Variants in DYNC2H1 observed in about 807,000 individuals in gnomAD.
DYNC2H1 encodes cytoplasmic dynein 2 heavy chain 1.
Under a neutral mutation model 570.0 loss-of-function variants are expected in DYNC2H1, and 410 were observed. The ratio of observed to expected loss-of-function variants is 0.72; its 90% confidence interval spans 0.66 to 0.78. DYNC2H1 has a LOEUF of 0.78. DYNC2H1 is among the 30% of genes least tolerant of loss of function. The pLI, the probability that DYNC2H1 is intolerant of heterozygous loss-of-function variation, is 0.00. For missense variants in DYNC2H1, 4,865 were observed against 5,046.4 expected (o/e 0.96, Z 1.09); for synonymous variants, 1,688 against 1,677.6 (o/e 1.01, Z -0.15).
chr11:103,119,525 A>G (rs1858588838), intron 6 of DYNC2H1, among the ~76,000 whole-genome samples: 2 of 152,082 alleles, frequency 1.3e-5, no homozygotes, highest in South Asian at 2.1e-4. Context: ...TTTTTAGTAG[A>G]GATGGAGTTT....
chr11:103,245,269 G>C lies in DYNC2H1; in HGVS notation c.9937G>C (p.Ala3313Pro). 3.2e-6 allele frequency: 5 copies of C among 1,543,448 alleles called. No homozygotes were observed. The highest frequency in any genetic ancestry group is 4.4e-6 in the Non-Finnish European group (5 of 1,141,354). The part of the protein sequence containing the change: ...INQQDSNFIT[A>P]LELAVRFGKT... The stretch of plus-strand genomic sequence containing the variant: ...CAATTAGGATAGTAACTTTATCACA[G>C]CTCTTGAATTAGCAGTACGTTTTGG... Residue 3313 changes from alanine to proline, a missense_variant, in exon 65 of 89, where the codon GCT becomes CCT. Transcript: ENST00000375735. The surrounding 1 kb of genome is among the most constrained non-coding windows in gnomAD (Gnocchi z 4.5).
At position 103,120,949 on chromosome 11, in the gene DYNC2H1, A is replaced by G; in HGVS notation, c.1273A>G (p.Lys425Glu). 1.3e-6 allele frequency: 2 copies of G among 1,543,666 alleles called. No individual in the cohort carries two copies. Among genetic ancestry groups the G allele is most frequent in the Non-Finnish European group, 1.7e-6 (2 of 1,148,082 alleles). ...GCTTCTTCAAGCATTCCTGAAATAT[A>G]AAGAGTTGGTAAAGCGTCCAACTAT... is the stretch of plus-strand genomic sequence containing the variant. ...QQLLQAFLKY[K>E]ELVKRPTISK... Residue 425 changes from lysine to glutamate, a missense_variant, in exon 9 of 89, where the codon AAA (lysine) becomes GAA (glutamate). Lys to Glu is a moderately conservative substitution (Grantham distance 56, BLOSUM62 1). Coordinates refer to ENST00000375735, the MANE Select transcript of DYNC2H1 (RefSeq NM_001377.3).
rs1263212640 is a variant in DYNC2H1 at position 103,249,334 on chromosome 11, C to A, written c.10043-3951C>A. ...CCCTCCCATGACTAGTTCTACTCAC[C>A]AAAGAAAAACTTTTTTTATTTTAAC... is the stretch of plus-strand genomic sequence containing the variant. On this transcript the variant is annotated intron_variant, in intron 65 of 88. Coordinates refer to ENST00000375735, the MANE Select transcript of DYNC2H1 (RefSeq NM_001377.3). The surrounding 1 kb of genome is among the most constrained non-coding windows in gnomAD (Gnocchi z 4.6). Among the ~76,000 whole-genome samples the A allele has an allele frequency of 6.6e-6, 1 of 151,884 alleles. No individual in the cohort carries two copies. The highest frequency in any genetic ancestry group is 6.6e-5 in the Admixed American group (1 of 15,218).
At chr11:103,367,620 C>G (rs921212958) in intron 83 of DYNC2H1, among the ~76,000 whole-genome samples, 1 of 152,110 alleles carries the variant, frequency 6.6e-6, no homozygotes, top group African/African-American at 2.4e-5. Context: ...TCTCTTCTAG[C>G]TATTTTGTGC....
chr11:103,464,414 T>A (rs1945127718), intron 87 of DYNC2H1, among the ~76,000 whole-genome samples: 1 of 152,160 alleles, frequency 6.6e-6, no homozygotes. Flanking sequence ...TTTCTAGAAG[T>A]ATAAAACAGA....
Position 103,311,989 on chromosome 11 carries a change from T to C in DYNC2H1, c.11605T>C (p.Trp3869Arg). The change falls in exon 79 of 89, where the codon TGG becomes CGG. Residue 3869 changes from tryptophan (W) to arginine (R), a missense_variant. This residue lies in a region of DYNC2H1 where 2,401 missense variants were observed against 2,454.6 expected (regional missense o/e 0.98). Transcript: ENST00000375735. ...HRAHALFSLA[W>R]FHAACQERRN... ...AGCTCATGCTCTCTTCAGTCTTGCA[T>C]GGTTTCATGCTGCATGTCAAGAAAG... The C allele has an allele frequency of 6.2e-7, 1 of 1,613,594 alleles. No homozygotes were observed. Among genetic ancestry groups the C allele is most frequent in the Non-Finnish European group, 8.5e-7 (1 of 1,179,744 alleles).
chr11:103,465,733 A>T lies in DYNC2H1; in HGVS notation c.12649-2856A>T, dbSNP rs1267765027. Among the ~76,000 whole-genome samples the T allele has an allele frequency of 1.3e-5, 2 of 151,858 alleles. No individual in the cohort carries two copies. The highest frequency in any genetic ancestry group is 2.9e-5 in the Non-Finnish European group (2 of 67,974). On this transcript the variant is annotated intron_variant, in intron 87 of 88. Coordinates refer to ENST00000375735, the MANE Select transcript of DYNC2H1 (RefSeq NM_001377.3). The surrounding 1 kb of genome is among the most constrained non-coding windows in gnomAD (Gnocchi z 4.9). The stretch of plus-strand genomic sequence containing the variant: ...TACTGTAGGTACCTCATACTGAGGT[A>T]CCTCAGTCCTTCACATGCCCTCTCA...
Position 103,114,175 on chromosome 11 carries a change from A to G in DYNC2H1, c.439A>G (p.Ile147Val), listed in dbSNP as rs915084265. The change falls in exon 3 of 89, where the codon ATA becomes GTA. Residue 147 changes from isoleucine (I) to valine (V), a missense_variant. Physicochemically the swap from Ile to Val is conservative, Grantham distance 29 (BLOSUM62 3). Coordinates refer to ENST00000375735, the MANE Select transcript of DYNC2H1 (RefSeq NM_001377.3). The stretch of plus-strand genomic sequence containing the variant: ...GAGTGAACTAGAAGCTGGGTTGGGT[A>G]TAGTTCTACGAAGATCAGACACTAA... ...LLSELEAGLG[I>V]VLRRSDTNLT... 1.2e-6 allele frequency: 2 copies of G among 1,606,046 alleles called. No homozygotes were observed. The highest frequency in any genetic ancestry group is 1.7e-5 in the Admixed American group (1 of 58,860).
At chr11:103,210,053 T>C (rs1252063219) in intron 53 of DYNC2H1, 93 bp downstream of exon 53, 3 of 1,277,966 alleles carry the variant, frequency 2.3e-6, no homozygotes, top group Admixed American at 4.0e-5. Context: ...TTCATGATTA[T>C]AAATTTGAAT....
At chr11:103,211,678 C>T (rs1436820950) in intron 53 of DYNC2H1, 111 bp from the exon 54 acceptor site, 1 of 456,296 alleles carries the variant, frequency 2.2e-6, no homozygotes, top group Non-Finnish European at 3.7e-6. Context: ...ATATTTATAA[C>T]TATATAGCAT....
chr11:103,445,208 C>A (rs1273413136), intron 85 of DYNC2H1, among the ~76,000 whole-genome samples: 4 of 152,188 alleles, frequency 2.6e-5, no homozygotes, highest in African/African-American at 9.7e-5. Flanking sequence ...AGGAAATTAT[C>A]TTCAAGATTA....
intron 83 of DYNC2H1, among the ~76,000 whole-genome samples, chr11:103,377,356 C>T (rs1414349982): frequency 1.3e-5 from 2 of 151,986 alleles, no homozygotes; most frequent in African/African-American, 4.8e-5. Context: ...GACTTTTCTT[C>T]AAGTTCAGAG....
chr11:103,212,228 A>G (rs1863184538), intron 54 of DYNC2H1, among the ~76,000 whole-genome samples: 1 of 152,034 alleles, frequency 6.6e-6, no homozygotes, highest in African/African-American at 2.4e-5. Context: ...TCACATGAAA[A>G]CATTTTTAGA....
chr11:103,172,255 A>G (rs909759767), intron 34 of DYNC2H1, among the ~76,000 whole-genome samples: 1 of 152,122 alleles, frequency 6.6e-6, no homozygotes, highest in Non-Finnish European at 1.5e-5. Context: ...CTTACAAAGA[A>G]AGAGTTGTCT....
At position 103,241,592 on chromosome 11, in the gene DYNC2H1, G is replaced by C. The variant is rs760430924; in HGVS notation, c.9820-2101G>C. 1.8e-5 allele frequency: 26 copies of C among 1,470,800 alleles called. No homozygotes were observed. Among genetic ancestry groups the C allele is most frequent in the Non-Finnish European group, 2.4e-5 (26 of 1,070,680 alleles). 91.1% of individuals were successfully genotyped at this position (1,470,800 alleles called of 1,614,324 possible). ...TTAAAATAATTACTTTTGTAGTTAG[G>C]CAAAATGCAGAATTGTGAAATGTGT... On this transcript the variant is annotated intron_variant, in intron 63 of 88. Coordinates refer to ENST00000375735, the MANE Select transcript of DYNC2H1 (RefSeq NM_001377.3). This position sits in a 1 kb window ranked among gnomAD's most constrained non-coding sequence, Gnocchi z 5.1.
intron 70 of DYNC2H1, among the ~76,000 whole-genome samples, chr11:103,272,804 G>A (rs921668194): frequency 3.3e-5 from 5 of 151,966 alleles, no homozygotes; most frequent in African/African-American, 1.2e-4. Flanking sequence ...TGTATGGGAG[G>A]TGTGGTTGAC....
At chr11:103,165,840 A>G (rs1040540931) in intron 30 of DYNC2H1, 58 bp from the exon 31 acceptor site, 1 of 1,357,118 alleles carries the variant, frequency 7.4e-7, no homozygotes, top group African/African-American at 1.5e-5. Flanking sequence ...CTTTAAATTT[A>G]TAAAATATTT....
In DYNC2H1 at chr11:103,256,565, C is replaced by T. The variant is rs1235433632; in HGVS notation, c.10461+325C>T. Among the ~76,000 whole-genome samples, 1 of 152,014 alleles carries T rather than the reference C, an allele frequency of 6.6e-6. No homozygotes were observed. On this transcript the variant is annotated intron_variant, in intron 68 of 88. Transcript: ENST00000375735. The surrounding 1 kb of genome is among the most constrained non-coding windows in gnomAD (Gnocchi z 4.0). ...AATGAGTATTAGAGAATATCTTTGCCGTTCTTAGAACTTTTCTTAAGTTAA... is the reference window on the plus strand; with the variant it reads ...AATGAGTATTAGAGAATATCTTTGCTGTTCTTAGAACTTTTCTTAAGTTAA...
At chr11:103,279,357 A>G (rs1470473104) in intron 70 of DYNC2H1, among the ~76,000 whole-genome samples, 1 of 152,168 alleles carries the variant, frequency 6.6e-6, no homozygotes, top group African/African-American at 2.4e-5. Flanking sequence ...TTGTAAATAT[A>G]TTATTTAATT....
Sources: allele counts gnomAD v4.1 joint callset (sites outside exome capture counted in the v4.1 genomes callset), GRCh38; gene constraint gnomAD v4.1.1; regional missense constraint gnomAD v4.1.1; non-coding constraint Gnocchi (gnomAD v3.1); transcripts MANE v1.5; gene names NCBI Gene and HGNC (gene_info 2026-07-23, HGNC 2026-07-21).